PCDHA10: variants seen among roughly 807,000 people sequenced by gnomAD.
PCDHA10 encodes the protein protocadherin alpha 10.
In PCDHA10, 45 loss-of-function variants were observed where a neutral mutation model predicts 61.2. The ratio of observed to expected loss-of-function variants is 0.74; its 90% CI spans 0.58 to 0.94. The LOEUF (loss-of-function observed/expected upper bound fraction) is 0.94, where lower values mean the gene tolerates loss of function less well. Among genes scored for constraint, PCDHA10 ranks in the 40% least tolerant of loss-of-function variants. The pLI, the probability that PCDHA10 is intolerant of heterozygous loss-of-function variation, is 0.00. For synonymous variants in PCDHA10, 602 were observed against 548.8 expected (o/e 1.10, Z -1.35); for missense variants, 1,278 against 1,236.2 (o/e 1.03, Z -0.51).
chr5:140,880,851 A>T lies in PCDHA10; in HGVS notation c.2388+22415A>T, dbSNP rs577713176. 2.0e-5 allele frequency among the ~76,000 whole-genome samples: 3 copies of T among 152,322 alleles called. No individual in the cohort carries two copies. In the South Asian group the frequency reaches 6.2e-4, roughly 32 times the overall value. On this transcript the variant is annotated intron_variant, in intron 1 of 3. Coordinates refer to ENST00000307360, the MANE Select transcript of PCDHA10 (RefSeq NM_018901.4). The stretch of plus-strand genomic sequence containing the variant: ...GCATATTTTAAATGGTTGACTATGT[A>T]GTCTAATTATGTGAAGAGGTAAATA...
chr5:140,882,928 C>G (rs1554176132), intron 1 of PCDHA10: 1 of 1,614,140 alleles, frequency 6.2e-7, no homozygotes, highest in South Asian at 1.1e-5. Flanking sequence ...GAGGTAAACC[C>G]GAGCTGACTG....
chr5:140,924,736 A>C (rs1554202112), intron 1 of PCDHA10, among the ~76,000 whole-genome samples: 1 of 151,866 alleles, frequency 6.6e-6, no homozygotes, highest in Non-Finnish European at 1.5e-5. Flanking sequence ...CTCTAATAAA[A>C]ATACAAAAAT....
rs782646556 is a variant in PCDHA10 at position 140,869,083 on chromosome 5, T to G, written c.2388+10647T>G. 1.6e-5 allele frequency: 26 copies of G among 1,582,872 alleles called. No individual in the cohort carries two copies. The South Asian group carries it at 2.9e-4, about 18-fold the overall frequency. On this transcript the variant is annotated intron_variant, in intron 1 of 3. Coordinates refer to ENST00000307360, the MANE Select transcript of PCDHA10 (RefSeq NM_018901.4). ...ACTGTAAGTGTAAAGAAGCTTATTT[T>G]GGAAGCCAATTTCGTATGCGATGTT...
At chr5:141,009,511 G>C in intron 3 of PCDHA10, 116 bp from the exon 4 acceptor site, 2 of 1,498,174 alleles carry the variant, frequency 1.3e-6, no homozygotes, top group Non-Finnish European at 1.8e-6. Context: ...CAAACAACTC[G>C]TGATTTTTCT....
chr5:140,861,388 G>T, intron 1 of PCDHA10: 1 of 450,376 alleles, frequency 2.2e-6, no homozygotes, highest in African/African-American at 2.0e-5. Context: ...CAGGACCTGG[G>T]TCTGGAGCTT....
chr5:140,870,718 G>C (rs2052330987), intron 1 of PCDHA10: 2 of 1,613,062 alleles, frequency 1.2e-6, no homozygotes. Context: ...CGCGCGCGAT[G>C]CGGGCGTGCC....
At chr5:140,983,885 T>C (rs74936593) in intron 3 of PCDHA10, among the ~76,000 whole-genome samples, 2,965 of 152,290 alleles carry the variant, frequency 0.019, 72 homozygotes, top group African/African-American at 0.056. Flanking sequence ...ACTGGCAACT[T>C]TAAGGGCATT....
chr5:140,955,846 T>G (rs1256650141), intron 1 of PCDHA10, among the ~76,000 whole-genome samples: 1 of 152,218 alleles, frequency 6.6e-6, no homozygotes, highest in African/African-American at 2.4e-5. Context: ...GTCATTCTCC[T>G]TGAAGAGGTC....
chr5:140,904,134 C>T (rs1583515585), intron 1 of PCDHA10, among the ~76,000 whole-genome samples: 2 of 152,002 alleles, frequency 1.3e-5, no homozygotes, highest in Admixed American at 6.6e-5. Flanking sequence ...ACCCATCACC[C>T]GAGCAGTATA....
At position 140,969,018 on chromosome 5, in the gene PCDHA10, G is replaced by A. The variant is rs143196630; in HGVS notation, c.2389-9931G>A. On this transcript the variant is annotated intron_variant, in intron 1 of 3. Transcript: ENST00000307360. ...GGAGGCTTCTGTGGAGTAAGGGAAA[G>A]GTCCCCTGCAGAACTGTACAAACAA... 33 of 1,614,058 alleles carry A rather than the reference G, an allele frequency of 2.0e-5. 1 individual carries two copies. In the Middle Eastern group the frequency reaches 4.9e-4, roughly 24 times the overall value.
At chr5:140,885,280 A>G (rs2060543465) in intron 1 of PCDHA10, among the ~76,000 whole-genome samples, 2 of 152,138 alleles carry the variant, frequency 1.3e-5, no homozygotes, top group Admixed American at 6.5e-5. Context: ...ATATATATAC[A>G]TATATAGAGA....
chr5:140,866,563 G>A (rs1163893808), intron 1 of PCDHA10: 31 of 152,118 alleles, frequency 2.0e-4, no homozygotes, highest in Admixed American at 2.0e-3. Flanking sequence ...CTATAATTTT[G>A]TTAATACAGT....
At chr5:140,988,471 G>A (rs1442408975) in intron 3 of PCDHA10, among the ~76,000 whole-genome samples, 1 of 152,078 alleles carries the variant, frequency 6.6e-6, no homozygotes, top group Non-Finnish European at 1.5e-5. Context: ...TGTGGGAAGG[G>A]GAATTAGCAT....
chr5:140,908,596 T>C (rs1311064984), intron 1 of PCDHA10, among the ~76,000 whole-genome samples: 1 of 152,120 alleles, frequency 6.6e-6, no homozygotes, highest in African/African-American at 2.4e-5. Flanking sequence ...CTGCAGAAGA[T>C]GGAAGGGCCT....
At chr5:140,993,376 G>A (rs577656854) in intron 3 of PCDHA10, among the ~76,000 whole-genome samples, 6 of 151,752 alleles carry the variant, frequency 4.0e-5, no homozygotes, top group Non-Finnish European at 7.4e-5. Context: ...CCTCCCAGCC[G>A]GGTCCCTGAA....
intron 1 of PCDHA10, chr5:140,884,795 T>C: frequency 7.8e-7 from 1 of 1,280,270 alleles, no homozygotes; most frequent in South Asian, 1.7e-5. Context: ...TGTTATCGAA[T>C]TTAACAACTC....
Position 140,858,118 on chromosome 5 carries a change from C to T in PCDHA10, c.2070C>T (p.Ala690=), listed in dbSNP as rs267600398. ...RASVGVAPEV[A]LVDVNVYLII... ...CAGTGGGCGTGGCGCCCGAGGTGGC[C>T]CTGGTGGATGTCAACGTGTACCTGA... is the stretch of plus-strand genomic sequence containing the variant. The change falls in exon 1 of 4, where the codon GCC becomes GCT. Residue 690 remains alanine, a synonymous_variant. Coordinates refer to ENST00000307360, the MANE Select transcript of PCDHA10 (RefSeq NM_018901.4). The T allele has an allele frequency of 6.3e-7, 1 of 1,597,724 alleles. No homozygotes were observed. Among genetic ancestry groups the T allele is most frequent in the East Asian group, 2.2e-5 (1 of 44,812 alleles).
chr5:140,863,834 A>G lies in PCDHA10; in HGVS notation c.2388+5398A>G, dbSNP rs868982708. The G allele has an allele frequency of 1.6e-5, 3 of 185,882 alleles. No homozygotes were observed. The East Asian group carries it at 3.9e-4, about 24-fold the overall frequency. The allele number at this position is 185,882 out of a possible 1,614,324, so 11.5% of individuals were successfully genotyped here. A position where few individuals can be genotyped will look rare whatever the true frequency, so the allele number is the denominator to read the frequency against. The stretch of plus-strand genomic sequence containing the variant: ...GCCAACATGGTGAAACTCCATCTCT[A>G]CTAAAGATATAAAAAAATTAGCTGG... On this transcript the variant is annotated intron_variant, in intron 1 of 3. Transcript: ENST00000307360.
intron 1 of PCDHA10, chr5:140,877,927 A>G: frequency 7.1e-7 from 1 of 1,416,192 alleles, no homozygotes; most frequent in South Asian, 1.6e-5. Flanking sequence ...TTTCTTTATG[A>G]TTCTATCCTT....
Sources: allele counts gnomAD v4.1 joint callset (sites outside exome capture counted in the v4.1 genomes callset), GRCh38; gene constraint gnomAD v4.1.1; transcripts MANE v1.5; gene names NCBI Gene and HGNC (gene_info 2026-07-23, HGNC 2026-07-21).